Variants in HYDIN observed in about 807,000 individuals in gnomAD.
HYDIN encodes the protein HYDIN axonemal central pair apparatus protein.
A neutral mutation model predicts 403.9 loss-of-function variants in HYDIN; 132 were observed. The ratio of observed to expected loss-of-function variants is 0.33; its 90% CI spans 0.28 to 0.38. HYDIN has a LOEUF of 0.38. HYDIN is among the 10% of genes least tolerant of loss of function. HYDIN has a pLI of 1.00. For synonymous variants in HYDIN, 1,202 were observed against 1,891.7 expected (o/e 0.64, Z 9.46); for missense variants, 2,827 against 5,009.5 (o/e 0.56, Z 13.15).
intron 53 of HYDIN, 106 bp from the exon 54 acceptor site, chr16:70,896,186 G>A: frequency 4.3e-6 from 6 of 1,382,276 alleles, no homozygotes; most frequent in Non-Finnish European, 5.8e-6. Flanking sequence ...GTTTTGAAGT[G>A]TATTCCCCTG....
intron 45 of HYDIN, among the ~76,000 whole-genome samples, chr16:70,922,785 CTTTT>C (rs77860153): frequency 3.6e-5 from 4 of 110,196 alleles, no homozygotes; most frequent in Admixed American, 9.1e-5. Context: ...CTTTTATAAC[CTTTT>C]TTTTTTTTTT....
At chr16:71,102,086 C>T (rs998101479) in intron 10 of HYDIN, among the ~76,000 whole-genome samples, 8 of 151,814 alleles carry the variant, frequency 5.3e-5, no homozygotes, top group Admixed American at 3.3e-4. Context: ...TTGAAATATG[C>T]AAAAATAAGT....
intron 71 of HYDIN, among the ~76,000 whole-genome samples, chr16:70,859,827 TA>T (rs1463445012): frequency 1.3e-5 from 2 of 152,178 alleles, no homozygotes; most frequent in African/African-American, 2.4e-5. Context: ...TTCTCAGTTT[TA>T]AAAAATTGCA....
Position 71,203,857 on chromosome 16 carries a change from G to A in HYDIN, c.-23-16939C>T, listed in dbSNP as rs1476098504. 5 of 454,344 alleles carry A rather than the reference G, an allele frequency of 1.1e-5. No homozygotes were observed. In the East Asian group the frequency reaches 3.5e-4, roughly 32 times the overall value. The allele number at this position is 454,344 out of a possible 1,614,324, so 28.1% of individuals were successfully genotyped here. On this transcript the variant is annotated intron_variant, in intron 1 of 85. Transcript: ENST00000393567. The stretch of plus-strand genomic sequence containing the variant: ...AGGTGGGCAGATCACTTGAGCTCAG[G>A]AGTTTAAGACCAGCCTGTGAAATAT...
Position 70,809,782 on chromosome 16 carries a change from C to T in HYDIN, c.14883+1G>A. ...CAGAAGGTAGAGCAGGGGCCACTCACCCTGCAGTAGTATTCTGTCCTCTGC... is the reference window on the plus strand; with the variant it reads ...CAGAAGGTAGAGCAGGGGCCACTCATCCTGCAGTAGTATTCTGTCCTCTGC... On this transcript the variant is annotated splice_donor_variant, in intron 85 of 85. Coordinates refer to ENST00000393567, the MANE Select transcript of HYDIN (RefSeq NM_001270974.2). LOFTEE classifies it high-confidence loss of function. 1.9e-6 allele frequency: 3 copies of T among 1,612,272 alleles called. No individual in the cohort carries two copies. The highest frequency in any genetic ancestry group is 2.5e-6 in the Non-Finnish European group (3 of 1,178,364).
In HYDIN at chr16:70,899,221, C is replaced by G. The variant is rs1167315347; in HGVS notation, c.9048+1783G>C. 4.6e-5 allele frequency among the ~76,000 whole-genome samples: 7 copies of G among 152,068 alleles called. 1 individual carries two copies. The highest frequency in any genetic ancestry group is 6.8e-3 in the Middle Eastern group (2 of 294). On this transcript the variant is annotated intron_variant, in intron 53 of 85. Transcript: ENST00000393567. Reference sequence around the variant, plus strand: ...AAAAAGTATGTCTACTTCTTAACTCCTGGAGCCTGTGAATATGACCTTATT... The same window carrying G: ...AAAAAGTATGTCTACTTCTTAACTCGTGGAGCCTGTGAATATGACCTTATT...
At chr16:71,201,916 T>A (rs1049182195) in intron 1 of HYDIN, among the ~76,000 whole-genome samples, 5 of 152,272 alleles carry the variant, frequency 3.3e-5, no homozygotes, top group Admixed American at 1.3e-4. Context: ...TTGTAATGTA[T>A]CATTGCATGA....
intron 1 of HYDIN, among the ~76,000 whole-genome samples, chr16:71,219,563 C>A (rs1046382950): frequency 1.3e-4 from 20 of 152,220 alleles, no homozygotes; most frequent in Non-Finnish European, 2.6e-4. Flanking sequence ...TTCTAACAAG[C>A]CTTTCTATCA....
At chr16:71,163,639 C>T (rs2086105489) in intron 5 of HYDIN, among the ~76,000 whole-genome samples, 1 of 152,152 alleles carries the variant, frequency 6.6e-6, no homozygotes, top group Non-Finnish European at 1.5e-5. Flanking sequence ...AAGCCTGGTC[C>T]AGCCTACTGC....
intron 67 of HYDIN, chr16:70,865,066 G>C (rs2039664670): frequency 5.2e-6 from 1 of 193,746 alleles, no homozygotes; most frequent in Non-Finnish European, 1.1e-5. Flanking sequence ...TGCACGATGA[G>C]TTGAATGAGC....
At chr16:71,225,779 A>T (rs921295653) in intron 1 of HYDIN, among the ~76,000 whole-genome samples, 1 of 152,228 alleles carries the variant, frequency 6.6e-6, no homozygotes, top group Non-Finnish European at 1.5e-5. Context: ...ACAAGGAATG[A>T]ACAACTGGAA....
chr16:71,116,475 A>C (rs1213538625), intron 9 of HYDIN, among the ~76,000 whole-genome samples: 2 of 152,156 alleles, frequency 1.3e-5, no homozygotes, highest in Non-Finnish European at 2.9e-5. Context: ...ATTGTGAATA[A>C]TGCTGCAATG....
At chr16:71,071,343 T>G (rs1363916316) in intron 13 of HYDIN, among the ~76,000 whole-genome samples, 5 of 152,004 alleles carry the variant, frequency 3.3e-5, no homozygotes, top group Non-Finnish European at 5.9e-5. Flanking sequence ...GCTGATTTGT[T>G]AAAGACTGAA....
chr16:70,854,309 A>G (rs2038873753), intron 73 of HYDIN, among the ~76,000 whole-genome samples: 1 of 148,754 alleles, frequency 6.7e-6, no homozygotes, highest in Admixed American at 6.7e-5. Context: ...ATCTCAGCTC[A>G]CTGCAACCTC....
intron 75 of HYDIN, 145 bp from the exon 76 acceptor site, chr16:70,840,378 G>A (rs113247962): frequency 3.5e-6 from 2 of 576,544 alleles, no homozygotes; most frequent in South Asian, 2.1e-5. Context: ...CAATTCAGTA[G>A]GTTAGAAGTT....
At chr16:71,134,857 A>G (rs1286470819) in intron 8 of HYDIN, among the ~76,000 whole-genome samples, 2 of 152,194 alleles carry the variant, frequency 1.3e-5, no homozygotes, top group Admixed American at 6.5e-5. Flanking sequence ...AGAGAAGAGC[A>G]AGAAGTGCCA....
chr16:71,026,509 A>G (rs1323249720), intron 20 of HYDIN, among the ~76,000 whole-genome samples: 2 of 151,914 alleles, frequency 1.3e-5, no homozygotes, highest in Non-Finnish European at 2.9e-5. Flanking sequence ...CACATTATAA[A>G]TATGCTCTTC....
intron 10 of HYDIN, among the ~76,000 whole-genome samples, chr16:71,110,705 TG>T (rs2083797837): frequency 6.7e-6 from 1 of 150,334 alleles, no homozygotes; most frequent in South Asian, 2.1e-4. Flanking sequence ...AGCACAGGCT[TG>T]GGTCAGGGAG....
chr16:71,067,743 A>G (rs2082323760), intron 14 of HYDIN, among the ~76,000 whole-genome samples: 1 of 152,164 alleles, frequency 6.6e-6, no homozygotes. Flanking sequence ...CCTCTGGGCT[A>G]TATGAATTAT....
Sources: gnomAD v4.1 joint callset for allele counts (sites outside exome capture counted in the v4.1 genomes callset) on GRCh38, gnomAD v4.1.1 for gene constraint, MANE v1.5 for transcripts, NCBI Gene and HGNC (gene_info 2026-07-23, HGNC 2026-07-21) for gene names.